Variants in COX16 observed in about 807,000 individuals in gnomAD.
COX16 encodes cytochrome c oxidase assembly factor COX16, also known as cytochrome c oxidase assembly protein COX16 homolog, mitochondrial.
A neutral mutation model predicts 15.4 loss-of-function variants in COX16; 12 were observed. The ratio of observed to expected loss-of-function variants is 0.78; its 90% CI spans 0.50 to 1.26. The LOEUF (loss-of-function observed/expected upper bound fraction) is 1.26. COX16 is among the 50% of genes most tolerant of loss of function. The pLI is 0.00. For synonymous variants in COX16, 46 were observed against 41.1 expected, an observed-to-expected ratio of 1.12 and a Z score of -0.46; for missense variants, 124 against 127.6, an observed-to-expected ratio of 0.97 and a Z score of 0.14.
intron 2 of COX16, among the ~76,000 whole-genome samples, chr14:70,334,558 G>A (rs1886389851): frequency 6.6e-6 from 1 of 152,112 alleles, no homozygotes; most frequent in Non-Finnish European, 1.5e-5. Context: ...AACATGTTGG[G>A]GGAAAGAGAG....
chr14:70,328,089 T>TTTTTTTTTTC, intron 3 of COX16: 1 of 134,390 alleles, frequency 7.4e-6, no homozygotes. Flanking sequence ...TTTTTTTTTT[T>TTTTTTTTTTC]TTTTTTTTGA....
intron 3 of COX16, among the ~76,000 whole-genome samples, chr14:70,327,832 T>C (rs576044501): frequency 1.4e-4 from 21 of 152,236 alleles, no homozygotes; most frequent in African/African-American, 5.1e-4. Context: ...GGCTGAAGAA[T>C]GGGCTATGTA....
At chr14:70,339,152 GC>G (rs1297073663) in intron 2 of COX16, among the ~76,000 whole-genome samples, 1 of 152,142 alleles carries the variant, frequency 6.6e-6, no homozygotes, top group Non-Finnish European at 1.5e-5. Context: ...GCTCGCAATT[GC>G]AATGTACTTA....
chr14:70,331,825 A>G, intron 2 of COX16, among the ~76,000 whole-genome samples: 1 of 152,094 alleles, frequency 6.6e-6, no homozygotes, highest in African/African-American at 2.4e-5. Context: ...TCAGGATGTC[A>G]CCAAGATGGC....
At chr14:70,353,621 C>T (rs1205835398) in intron 1 of COX16, among the ~76,000 whole-genome samples, 1 of 151,750 alleles carries the variant, frequency 6.6e-6, no homozygotes, top group African/African-American at 2.4e-5. Flanking sequence ...TCAAGTAATT[C>T]TCCCGTCTCA....
intron 2 of COX16, among the ~76,000 whole-genome samples, chr14:70,332,369 G>C (rs1481298466): frequency 6.6e-6 from 1 of 152,168 alleles, no homozygotes; most frequent in East Asian, 1.9e-4. Flanking sequence ...CCCAGCGTCA[G>C]CTGCAGCCCC....
intron 1 of COX16, chr14:70,359,274 C>T (rs113707918): frequency 1.1e-5 from 7 of 609,180 alleles, no homozygotes; most frequent in East Asian, 3.4e-5. Flanking sequence ...AGACGCCACG[C>T]TCACAAGCAG....
intron 3 of COX16, among the ~76,000 whole-genome samples, 181 bp downstream of exon 3, chr14:70,328,993 A>G (rs532180950): frequency 6.5e-4 from 99 of 152,124 alleles, no homozygotes; most frequent in Admixed American, 1.4e-3. Flanking sequence ...TCCATCTGGA[A>G]TTTATTTATT....
intron 1 of COX16, among the ~76,000 whole-genome samples, chr14:70,354,841 C>CCTGTGT (rs1555345905): frequency 6.7e-6 from 1 of 148,880 alleles, no homozygotes; most frequent in African/African-American, 2.5e-5. Flanking sequence ...TGTGTGTGTG[C>CCTGTGT]GTGTGTGTGT....
At chr14:70,332,458 C>A (rs1001779840) in intron 2 of COX16, among the ~76,000 whole-genome samples, 10 of 152,080 alleles carry the variant, frequency 6.6e-5, no homozygotes, top group Non-Finnish European at 1.2e-4. Context: ...CCAACAAGAT[C>A]CAGCTCTCTA....
chr14:70,355,661 T>C (rs765323983), intron 1 of COX16, among the ~76,000 whole-genome samples: 1 of 152,220 alleles, frequency 6.6e-6, no homozygotes, highest in South Asian at 2.1e-4. Flanking sequence ...TTAAATAGGA[T>C]ATCATTTCCT....
chr14:70,350,248 C>G (rs765900978), intron 1 of COX16, among the ~76,000 whole-genome samples: 24 of 152,264 alleles, frequency 1.6e-4, no homozygotes, highest in Non-Finnish European at 2.8e-4. Flanking sequence ...AAGACACACC[C>G]CTGAAGACCC....
intron 1 of COX16, among the ~76,000 whole-genome samples, chr14:70,346,344 C>T (rs1409089260): frequency 6.6e-6 from 1 of 152,228 alleles, no homozygotes; most frequent in Non-Finnish European, 1.5e-5. Flanking sequence ...TGCAGGCCCA[C>T]GGGTCCGCAG....
At chr14:70,333,394 T>A (rs917975272) in intron 2 of COX16, among the ~76,000 whole-genome samples, 30 of 152,112 alleles carry the variant, frequency 2.0e-4, no homozygotes, top group Non-Finnish European at 4.1e-4. Flanking sequence ...AATAATTTTT[T>A]AAAAATCAAA....
chr14:70,340,647 C>T (rs1254879788), intron 2 of COX16, among the ~76,000 whole-genome samples: 1 of 152,172 alleles, frequency 6.6e-6, no homozygotes, highest in Non-Finnish European at 1.5e-5. Flanking sequence ...GATCTCTTTA[C>T]TTCCAACCTA....
At chr14:70,336,561 T>TA (rs1886462822) in intron 2 of COX16, among the ~76,000 whole-genome samples, 1 of 152,152 alleles carries the variant, frequency 6.6e-6, no homozygotes, top group Non-Finnish European at 1.5e-5. Context: ...TGCATGTATG[T>TA]AAAAGGGATA....
chr14:70,339,342 AC>A (rs1886555191), intron 2 of COX16, among the ~76,000 whole-genome samples: 1 of 152,112 alleles, frequency 6.6e-6, no homozygotes, highest in African/African-American at 2.4e-5. Context: ...TCCAGCCCTT[AC>A]TTTTTTAGGC....
chr14:70,330,460 T>TAACA (rs1886246968), intron 2 of COX16, among the ~76,000 whole-genome samples: 1 of 152,148 alleles, frequency 6.6e-6, no homozygotes, highest in East Asian at 1.9e-4. Flanking sequence ...AATGCCAGTG[T>TAACA]AACAAACACT....
intron 2 of COX16, among the ~76,000 whole-genome samples, chr14:70,342,381 G>A (rs1029059384): frequency 6.6e-6 from 1 of 152,206 alleles, no homozygotes; most frequent in Non-Finnish European, 1.5e-5. Flanking sequence ...GGGAGGCAGA[G>A]GTTGCAGTGA....
Sources: gnomAD v4.1 joint callset for allele counts (sites outside exome capture counted in the v4.1 genomes callset) on GRCh38, gnomAD v4.1.1 for gene constraint, MANE v1.5 for transcripts, NCBI Gene and HGNC (gene_info 2026-07-23, HGNC 2026-07-21) for gene names.